TDRKH: variants seen among roughly 807,000 people sequenced by gnomAD.
TDRKH encodes tudor and KH domain-containing protein.
In TDRKH, 28 loss-of-function variants were observed where a neutral mutation model predicts 61.3. The observed-to-expected ratio is 0.46, with a 90% CI of 0.34 to 0.63. TDRKH has a LOEUF of 0.63. TDRKH is among the 20% of genes least tolerant of loss of function. The probability of loss-of-function intolerance (pLI) is 0.01; values close to 1 mark genes in which losing one functional copy is unlikely to be tolerated. For missense variants in TDRKH, 540 were observed against 683.4 expected (o/e 0.79, Z 2.34); for synonymous variants, 219 against 244.4 (o/e 0.90, Z 0.97).
At chr1:151,781,328 A>AAAATTATATATATATATATATAT (rs1491536697) in intron 3 of TDRKH, among the ~76,000 whole-genome samples, 153 bp downstream of exon 3, 1 of 68,600 alleles carries the variant, frequency 1.5e-5, no homozygotes, top group Non-Finnish European at 3.4e-5. Context: ...AAAAAAAAAA[A>AAAATTATATATATATATATATAT]ATATATATAT....
downstream of TDRKH, chr1:151,770,149 A>G (rs1189656194): frequency 6.2e-7 from 1 of 1,612,858 alleles, no homozygotes; most frequent in East Asian, 2.2e-5. Flanking sequence ...CAAACATTTT[A>G]ACTGTTTTTC....
At chr1:151,769,182 CCT>C (rs1648496158), downstream of TDRKH, among the ~76,000 whole-genome samples, 1 of 152,030 alleles carries the variant, frequency 6.6e-6, no homozygotes, top group African/African-American at 2.4e-5. Flanking sequence ...CTTGGGTACA[CCT>C]CCCAGACGGT....
chr1:151,777,719 A>AT (rs35582886), intron 6 of TDRKH, among the ~76,000 whole-genome samples: 16,077 of 129,378 alleles, frequency 0.12, 1,349 homozygotes, highest in Non-Finnish European at 0.15. Flanking sequence ...AAAATAGTTA[A>AT]TTTTTTTTTT....
chr1:151,767,897 T>C (rs114960461), downstream of TDRKH: 859 of 879,862 alleles, frequency 9.8e-4, 9 homozygotes, highest in African/African-American at 0.013. Context: ...AGGCATAGGC[T>C]ATTAGTTCCT....
chr1:151,787,999 A>G (rs936483079), intron 1 of TDRKH, among the ~76,000 whole-genome samples: 1 of 152,006 alleles, frequency 6.6e-6, no homozygotes, highest in Non-Finnish European at 1.5e-5. Flanking sequence ...GGGTTTAAAA[A>G]AAAAAAGTAT....
chr1:151,772,698 C>T (rs1211938306), downstream of TDRKH, among the ~76,000 whole-genome samples: 4 of 152,254 alleles, frequency 2.6e-5, no homozygotes, highest in East Asian at 3.9e-4. Context: ...TAAGGAAACA[C>T]GTTAAAATTT....
chr1:151,789,057 T>C (rs1163873831), intron 1 of TDRKH, among the ~76,000 whole-genome samples: 1 of 152,138 alleles, frequency 6.6e-6, no homozygotes, highest in Admixed American at 6.6e-5. Flanking sequence ...GAGTTTGTTG[T>C]TGTTTATTTA....
chr1:151,768,159 G>A, downstream of TDRKH: 1 of 1,613,968 alleles, frequency 6.2e-7, no homozygotes, highest in Non-Finnish European at 8.5e-7. Context: ...CTGCCCATTG[G>A]CACGGCCTTC....
At chr1:151,769,857 G>A (rs11204884), downstream of TDRKH, among the ~76,000 whole-genome samples, 23,456 of 152,238 alleles carry the variant, frequency 0.15, 1,893 homozygotes, top group African/African-American at 0.18. Context: ...CAGATCACTC[G>A]TGGTTAGGAG....
Position 151,773,926 on chromosome 1 carries a change from C to CGTA in TDRKH, c.*525_*526insTAC. The CGTA allele has an allele frequency of 6.6e-6, 1 of 152,432 alleles. No homozygotes were observed. Among genetic ancestry groups the CGTA allele is most frequent in the Non-Finnish European group, 1.5e-5 (1 of 68,196 alleles). 9.4% of individuals were successfully genotyped at this position (152,432 alleles called of 1,614,324 possible). On this transcript the variant is annotated 3_prime_UTR_variant, in exon 13 of 13. Coordinates refer to ENST00000368824, the MANE Select transcript of TDRKH (RefSeq NM_001083965.2). Reference sequence around the variant, plus strand: ...GACGAAAGCCTGACTGTTTCCCAGCCTCAAAAAGGATACAGCCTAGTAGTA... The same window carrying CGTA: ...GACGAAAGCCTGACTGTTTCCCAGCCGTATCAAAAAGGATACAGCCTAGTAGTA...
In TDRKH at chr1:151,782,879, C is replaced by T. The variant is rs1649967875; in HGVS notation, c.124+20G>A. The T allele has an allele frequency of 6.5e-7, 1 of 1,546,088 alleles. No individual in the cohort carries two copies. The highest frequency in any genetic ancestry group is 1.2e-5 in the South Asian group (1 of 80,548). ...GCATGTCTGAACATTTTCACACACA[C>T]AGTCATAGGGTTCACGTACCTCTGC... is the stretch of plus-strand genomic sequence containing the variant. On this transcript the variant is annotated intron_variant, in intron 2 of 12. Coordinates refer to ENST00000368824, the MANE Select transcript of TDRKH (RefSeq NM_001083965.2).
chr1:151,769,978 A>T, downstream of TDRKH: 1 of 795,352 alleles, frequency 1.3e-6, no homozygotes, highest in Non-Finnish European at 1.9e-6. Flanking sequence ...AGGCTGAGGC[A>T]GGAGAATCAG....
chr1:151,781,325 A>AT (rs1369083191), intron 3 of TDRKH, among the ~76,000 whole-genome samples, 156 bp downstream of exon 3: 983 of 56,194 alleles, frequency 0.017, 30 homozygotes, highest in African/African-American at 0.039. Flanking sequence ...CTCAAAAAAA[A>AT]AAAATATATA....
At chr1:151,776,652 T>C in intron 6 of TDRKH, 53 bp from the exon 7 acceptor site, 7 of 1,595,806 alleles carry the variant, frequency 4.4e-6, no homozygotes, top group Non-Finnish European at 6.0e-6. Context: ...CTGGTTGGAA[T>C]GAAGAGACTA....
chr1:151,782,426 G>A (rs1225241758), intron 2 of TDRKH, among the ~76,000 whole-genome samples: 1 of 151,178 alleles, frequency 6.6e-6, no homozygotes, highest in Non-Finnish European at 1.5e-5. Context: ...CAGTGTGGGC[G>A]ACAGAGTGAG....
chr1:151,781,144 C>T (rs1288093068), intron 3 of TDRKH, among the ~76,000 whole-genome samples: 6 of 149,848 alleles, frequency 4.0e-5, no homozygotes, highest in African/African-American at 1.2e-4. Context: ...GACGAAACCT[C>T]GTCTCCACTA....
rs747184908 is a variant in TDRKH, at chr1:151,774,476, G to A, written c.1662C>T (p.Asn554=). The change falls in exon 13 of 13, where the codon AAC becomes AAT. Residue 554 remains asparagine (N), a synonymous_variant. Transcript: ENST00000368824. ...TTCAGAGTAAGTAGTCATCTTCAAG[G>A]TTATCATCACCAGACATGGAAGCAG... ...SEAASMSGDD[N]LEDDYLL 7.4e-6 allele frequency: 12 copies of A among 1,614,156 alleles called. No individual in the cohort carries two copies. In the South Asian group the frequency reaches 7.7e-5, roughly 10 times the overall value.
At chr1:151,788,864 T>C (rs1282055849) in intron 1 of TDRKH, among the ~76,000 whole-genome samples, 1 of 152,180 alleles carries the variant, frequency 6.6e-6, no homozygotes, top group Admixed American at 6.5e-5. Flanking sequence ...TTGAATTACA[T>C]TGCTATGGGT....
Position 151,775,861 on chromosome 1 carries a change from A to G in TDRKH, c.1241T>C (p.Phe414Ser). Residue 414 changes from phenylalanine to serine, a missense_variant, in exon 9 of 13, where the codon TTT becomes TCT. Phe to Ser is a radical substitution (Grantham distance 155, BLOSUM62 -2). This residue lies in a region of TDRKH where 379 missense variants were observed against 443.8 expected (regional missense o/e 0.85). Transcript: ENST00000368824. ...ALRSDFLSLP[F>S]QAIECSLARI... ...TGCCAGACTACATTCTATTGCTTGA[A>G]ATGGAAGGCTTAGGAAGTCACTCCT... The G allele has an allele frequency of 6.2e-7, 1 of 1,613,638 alleles. No individual in the cohort carries two copies. The highest frequency in any genetic ancestry group is 2.2e-5 in the East Asian group (1 of 44,866).
Sources: allele counts gnomAD v4.1 joint callset (sites outside exome capture counted in the v4.1 genomes callset), GRCh38; gene constraint gnomAD v4.1.1; regional missense constraint gnomAD v4.1.1; transcripts MANE v1.5; gene names NCBI Gene and HGNC (gene_info 2026-07-23, HGNC 2026-07-21).